Variants in BMAL1 observed in about 807,000 individuals in gnomAD.
BMAL1 encodes the protein basic helix-loop-helix ARNT-like protein 1.
At chr11:13,383,406 C>T in the BMAL1 span, among the ~76,000 whole-genome samples, 2 of 152,130 alleles carry the variant, frequency 1.3e-5, no homozygotes. Context: ...TGATAATGTG[C>T]ACTATTCATA....
the BMAL1 span, among the ~76,000 whole-genome samples, chr11:13,335,920 A>G: frequency 1.3e-5 from 2 of 152,234 alleles, no homozygotes; most frequent in Non-Finnish European, 2.9e-5. Context: ...TTGTAAGGTT[A>G]TATTACTTAC....
At chr11:13,308,263 T>C in the BMAL1 span, among the ~76,000 whole-genome samples, 1 of 152,150 alleles carries the variant, frequency 6.6e-6, no homozygotes, top group Non-Finnish European at 1.5e-5. Flanking sequence ...GGGGTCTGTG[T>C]TGGACATGTT....
chr11:13,301,060 C>A, the BMAL1 span, among the ~76,000 whole-genome samples: 17 of 152,200 alleles, frequency 1.1e-4, no homozygotes, highest in Non-Finnish European at 2.5e-4. Flanking sequence ...ACCTCTGCCT[C>A]CCGAGAGGTG....
the BMAL1 span, among the ~76,000 whole-genome samples, chr11:13,293,333 TCC>T: frequency 6.6e-6 from 1 of 152,186 alleles, no homozygotes; most frequent in Non-Finnish European, 1.5e-5. Flanking sequence ...TAGGTTTGAG[TCC>T]AGCCCTTTTA....
chr11:13,367,295 C>T, the BMAL1 span, among the ~76,000 whole-genome samples: 2 of 152,194 alleles, frequency 1.3e-5, no homozygotes, highest in Non-Finnish European at 1.5e-5. Flanking sequence ...CCACATCGCT[C>T]CCTCTGCCCC....
At chr11:13,374,329 C>T in the BMAL1 span, 3 of 792,794 alleles carry the variant, frequency 3.8e-6, no homozygotes, top group South Asian at 3.3e-5. Flanking sequence ...CTCTTCAGGT[C>T]AGAACATCTG....
At chr11:13,373,314 T>C in the BMAL1 span, among the ~76,000 whole-genome samples, 1 of 152,104 alleles carries the variant, frequency 6.6e-6, no homozygotes, top group South Asian at 2.1e-4. Context: ...TCCCTCAGAA[T>C]ATGCACAGGC....
chr11:13,374,071 A>AAAT, the BMAL1 span: 1 of 1,601,014 alleles, frequency 6.2e-7, no homozygotes, highest in Non-Finnish European at 8.5e-7. Flanking sequence ...TTTCTTCTTT[A>AAAT]AATATTCCTT....
the BMAL1 span, among the ~76,000 whole-genome samples, chr11:13,294,472 T>G: frequency 6.6e-6 from 1 of 152,224 alleles, no homozygotes; most frequent in South Asian, 2.1e-4. Flanking sequence ...ATTAACACTC[T>G]CAAGCCAAAC....
At chr11:13,303,719 G>A in the BMAL1 span, among the ~76,000 whole-genome samples, 1 of 152,152 alleles carries the variant, frequency 6.6e-6, no homozygotes, top group African/African-American at 2.4e-5. Context: ...GAAGAAGAGA[G>A]GGTAGTTTGT....
chr11:13,356,963 A>T, the BMAL1 span: 1 of 1,598,756 alleles, frequency 6.3e-7, no homozygotes, highest in Middle Eastern at 1.7e-4. Context: ...CAGAGAGATG[A>T]CAGGATCAGG....
chr11:13,338,687 G>A, the BMAL1 span, among the ~76,000 whole-genome samples: 1 of 152,168 alleles, frequency 6.6e-6, no homozygotes, highest in Non-Finnish European at 1.5e-5. Context: ...GGCATATCTG[G>A]GTTCCAGTCC....
chr11:13,385,195 A>G, the BMAL1 span, among the ~76,000 whole-genome samples: 1 of 152,188 alleles, frequency 6.6e-6, no homozygotes, highest in Non-Finnish European at 1.5e-5. Context: ...AGCCTGTCTT[A>G]ACTTAAACCA....
the BMAL1 span, among the ~76,000 whole-genome samples, chr11:13,298,979 C>T: frequency 9.3e-4 from 141 of 152,024 alleles, no homozygotes; most frequent in African/African-American, 3.2e-3. Flanking sequence ...GTATCTCAGG[C>T]GGTCTGCGCC....
At chr11:13,385,509 C>G in the BMAL1 span, among the ~76,000 whole-genome samples, 2 of 152,072 alleles carry the variant, frequency 1.3e-5, no homozygotes, top group African/African-American at 4.8e-5. Context: ...AAGAATAGTT[C>G]GGGGGAGAGG....
At chr11:13,332,335 T>C in the BMAL1 span, among the ~76,000 whole-genome samples, 1 of 152,332 alleles carries the variant, frequency 6.6e-6, no homozygotes, top group Middle Eastern at 3.4e-3. Flanking sequence ...GTACACAGAA[T>C]GTCCCCAAGG....
the BMAL1 span, chr11:13,358,389 C>T: frequency 1.4e-6 from 2 of 1,459,574 alleles, no homozygotes; most frequent in African/African-American, 1.4e-5. Flanking sequence ...TTTCTTGATG[C>T]TTGGTTACAT....
the BMAL1 span, among the ~76,000 whole-genome samples, chr11:13,278,142 G>T: frequency 6.6e-6 from 1 of 152,192 alleles, no homozygotes; most frequent in Non-Finnish European, 1.5e-5. Context: ...AAGGCGCCGC[G>T]CCCGTCCGCC....
the BMAL1 span, among the ~76,000 whole-genome samples, chr11:13,319,389 T>A: frequency 2.0e-5 from 3 of 152,218 alleles, no homozygotes; most frequent in Non-Finnish European, 2.9e-5. Context: ...TTTAAATGGT[T>A]TGCTGTTTAA....
Sources: gnomAD v4.1 joint callset for allele counts (sites outside exome capture counted in the v4.1 genomes callset) on GRCh38, gnomAD v4.1.1 for gene constraint, MANE v1.5 for transcripts, NCBI Gene and HGNC (gene_info 2026-07-23, HGNC 2026-07-21) for gene names.